The following KCNH1 variants were observed in gnomAD, a reference collection of about 807,000 sequenced individuals.
KCNH1 encodes potassium voltage-gated channel subfamily H member 1, also known as voltage-gated delayed rectifier potassium channel KCNH1.
A neutral mutation model predicts 69.2 loss-of-function variants in KCNH1; 27 were observed. The observed-to-expected ratio is 0.39, with a 90% confidence interval of 0.29 to 0.54. KCNH1 has a LOEUF of 0.54. Among genes scored for constraint, KCNH1 ranks in the 20% least tolerant of loss-of-function variants. KCNH1 has a pLI of 0.68. For missense variants in KCNH1, 798 were observed against 1,261.6 expected, an observed-to-expected ratio of 0.63 and a Z score of 5.57; for synonymous variants, 456 against 487.7, an observed-to-expected ratio of 0.93 and a Z score of 0.86.
intron 5 of KCNH1, among the ~76,000 whole-genome samples, chr1:211,075,884 T>TTGG (rs1318891335): frequency 6.6e-6 from 1 of 152,244 alleles, no homozygotes; most frequent in Non-Finnish European, 1.5e-5. Context: ...ACCCAAATAC[T>TTGG]GTGCTTTTCC....
chr1:210,859,992 G>T, intron 7 of KCNH1: 2 of 1,589,276 alleles, frequency 1.3e-6, no homozygotes, highest in Admixed American at 1.7e-5. Context: ...TTCTAAGGCT[G>T]CTTCCACGAA....
chr1:210,934,040 T>G (rs1257864958), intron 6 of KCNH1, among the ~76,000 whole-genome samples: 2 of 152,076 alleles, frequency 1.3e-5, no homozygotes, highest in Non-Finnish European at 2.9e-5. Context: ...CAACACGAAA[T>G]GGATTAAAGA....
At chr1:210,705,211 A>G (rs992173520) in intron 10 of KCNH1, among the ~76,000 whole-genome samples, 1 of 152,170 alleles carries the variant, frequency 6.6e-6, no homozygotes, top group African/African-American at 2.4e-5. Flanking sequence ...AAGTATCTGA[A>G]ATAGGCAAGA....
chr1:210,691,221 G>A (rs1681520966), intron 10 of KCNH1, among the ~76,000 whole-genome samples: 2 of 152,196 alleles, frequency 1.3e-5, no homozygotes, highest in South Asian at 2.1e-4. Flanking sequence ...GGATTTGGGC[G>A]AGGGTGTTCC....
At chr1:210,988,479 C>T (rs531900806) in intron 6 of KCNH1, among the ~76,000 whole-genome samples, 4 of 152,260 alleles carry the variant, frequency 2.6e-5, no homozygotes, top group East Asian at 1.9e-4. Flanking sequence ...TGCTGAGAAC[C>T]GTTTACAAAT....
At chr1:211,071,704 C>T (rs1294049777) in intron 5 of KCNH1, among the ~76,000 whole-genome samples, 2 of 151,954 alleles carry the variant, frequency 1.3e-5, no homozygotes, top group African/African-American at 4.8e-5. Flanking sequence ...TCATGACATA[C>T]CTAATTTTTT....
At chr1:210,709,294 G>A (rs1016963241) in intron 10 of KCNH1, among the ~76,000 whole-genome samples, 3 of 152,202 alleles carry the variant, frequency 2.0e-5, no homozygotes, top group African/African-American at 4.8e-5. Context: ...ATGCATACAC[G>A]GATGTGTTGA....
At chr1:210,743,055 C>A (rs1349359504) in intron 10 of KCNH1, among the ~76,000 whole-genome samples, 1 of 152,150 alleles carries the variant, frequency 6.6e-6, no homozygotes, top group Non-Finnish European at 1.5e-5. Context: ...GTAAATGTTT[C>A]ATGTAGTAAA....
chr1:210,850,699 A>G (rs1378473181), intron 7 of KCNH1, among the ~76,000 whole-genome samples: 1 of 152,222 alleles, frequency 6.6e-6, no homozygotes, highest in African/African-American at 2.4e-5. Flanking sequence ...CAGGCCTGAC[A>G]CAGCAGTCTC....
chr1:210,889,271 A>G (rs1354063516), intron 7 of KCNH1, among the ~76,000 whole-genome samples: 1 of 152,190 alleles, frequency 6.6e-6, no homozygotes, highest in Non-Finnish European at 1.5e-5. Flanking sequence ...AATAAGCATA[A>G]TCCCTCTCAT....
intron 6 of KCNH1, among the ~76,000 whole-genome samples, chr1:210,975,427 C>G (rs894709867): frequency 6.6e-6 from 1 of 152,102 alleles, no homozygotes; most frequent in African/African-American, 2.4e-5. Context: ...CAGAACAGAG[C>G]CTTCAGGAAT....
chr1:210,816,567 G>A (rs1465367248), intron 7 of KCNH1, among the ~76,000 whole-genome samples: 1 of 152,164 alleles, frequency 6.6e-6, no homozygotes, highest in Non-Finnish European at 1.5e-5. Flanking sequence ...GTTCTTGATT[G>A]CAAAGAGACA....
chr1:210,892,151 G>A (rs1336270036), intron 7 of KCNH1, among the ~76,000 whole-genome samples: 5 of 151,576 alleles, frequency 3.3e-5, no homozygotes, highest in East Asian at 1.9e-4. Flanking sequence ...ACAATGGCAC[G>A]TGTATACCTA....
intron 6 of KCNH1, among the ~76,000 whole-genome samples, chr1:210,953,645 G>A (rs1237742042): frequency 1.3e-5 from 2 of 152,096 alleles, no homozygotes; most frequent in African/African-American, 4.8e-5. Flanking sequence ...TAGAAATTCA[G>A]GATTCTTTCT....
chr1:210,833,888 A>G (rs1685223134), intron 7 of KCNH1, among the ~76,000 whole-genome samples: 1 of 152,254 alleles, frequency 6.6e-6, no homozygotes, highest in South Asian at 2.1e-4. Context: ...ATGAACAGAC[A>G]CTTCTCAAAA....
At chr1:210,920,122 C>T (rs1046340950) in intron 6 of KCNH1, 53 bp from the exon 7 acceptor site, 15 of 1,514,056 alleles carry the variant, frequency 9.9e-6, no homozygotes, top group South Asian at 7.0e-5. Flanking sequence ...ATACTACTCT[C>T]GTCCCCTCCG....
chr1:210,697,615 C>G (rs1681672843), intron 10 of KCNH1, among the ~76,000 whole-genome samples: 1 of 152,232 alleles, frequency 6.6e-6, no homozygotes, highest in African/African-American at 2.4e-5. Flanking sequence ...ACACAAAATC[C>G]TTAGTCTGAC....
At position 210,920,170 on chromosome 1, in the gene KCNH1, C is replaced by A. The variant is rs191486566; in HGVS notation, c.1033-101G>T. 6.4e-4 allele frequency: 639 copies of A among 991,960 alleles called. 3 individuals are homozygous for A. Among genetic ancestry groups the A allele is most frequent in the Non-Finnish European group, 2.3e-4 (158 of 690,616 alleles). The allele number at this position is 991,960 out of a possible 1,614,324, so 61.4% of individuals were successfully genotyped here. On this transcript the variant is annotated intron_variant, in intron 6 of 10. Transcript: ENST00000271751. ...CATTATTTTAAGCATAGTGTATTTC[C>A]ATGAGATGCAATTTTATGCAACCCT...
At chr1:210,806,492 A>G (rs1226064904) in intron 7 of KCNH1, among the ~76,000 whole-genome samples, 1 of 151,816 alleles carries the variant, frequency 6.6e-6, no homozygotes, top group Admixed American at 6.6e-5. Flanking sequence ...CTCATATCCC[A>G]TGGGTTGTGG....
Sources: gnomAD v4.1 joint callset for allele counts (sites outside exome capture counted in the v4.1 genomes callset) on GRCh38, gnomAD v4.1.1 for gene constraint, MANE v1.5 for transcripts, NCBI Gene and HGNC (gene_info 2026-07-23, HGNC 2026-07-21) for gene names.